The following CCNY variants were observed in gnomAD, a reference collection of about 807,000 sequenced individuals.
The protein encoded by CCNY is cyclin-Y.
CCNY carries 19 observed loss-of-function variants against 42.8 expected under a neutral mutation model. The observed-to-expected ratio is 0.44, with a 90% CI of 0.31 to 0.65. The LOEUF (loss-of-function observed/expected upper bound fraction) is 0.65, where lower values mean the gene tolerates loss of function less well. Ranked by LOEUF, CCNY falls within the 30% of genes least tolerant of loss-of-function variation. The probability of loss-of-function intolerance (pLI) is 0.07; values close to 1 mark genes in which losing one functional copy is unlikely to be tolerated. For synonymous variants in CCNY, 165 were observed against 162.7 expected (o/e 1.01, Z -0.11); for missense variants, 370 against 437.3 (o/e 0.85, Z 1.37).
chr10:35,275,860 G>A (rs2135048327), intron 3 of CCNY, among the ~76,000 whole-genome samples: 1 of 152,300 alleles, frequency 6.6e-6, no homozygotes, highest in African/African-American at 2.4e-5. Context: ...CGGGACCCAT[G>A]GACCACACGG....
intron 3 of CCNY, among the ~76,000 whole-genome samples, chr10:35,514,834 T>C (rs894213653): frequency 1.3e-5 from 2 of 152,238 alleles, no homozygotes; most frequent in Non-Finnish European, 1.5e-5. Context: ...TGACTTTTAA[T>C]GTTAAATATG....
chr10:35,361,230 A>G (rs1836678699), intron 1 of CCNY, among the ~76,000 whole-genome samples: 2 of 152,210 alleles, frequency 1.3e-5, no homozygotes, highest in African/African-American at 2.4e-5. Flanking sequence ...GTGTTTACAT[A>G]TATACCTGTG....
At chr10:35,267,549 C>A (rs1380113080) in intron 3 of CCNY, among the ~76,000 whole-genome samples, 3 of 152,092 alleles carry the variant, frequency 2.0e-5, no homozygotes, top group Non-Finnish European at 4.4e-5. Flanking sequence ...TGGTGGTGGG[C>A]ATGGGGGTAG....
At chr10:35,414,662 T>TA (rs1295891837) in intron 1 of CCNY, among the ~76,000 whole-genome samples, 1 of 152,196 alleles carries the variant, frequency 6.6e-6, no homozygotes, top group Non-Finnish European at 1.5e-5. Context: ...GACTCCGTGA[T>TA]ACATCTTGTA....
At chr10:35,429,720 C>A (rs1384544033) in intron 1 of CCNY, among the ~76,000 whole-genome samples, 1 of 152,104 alleles carries the variant, frequency 6.6e-6, no homozygotes, top group Non-Finnish European at 1.5e-5. Context: ...GTTATTGGGT[C>A]ATTTCATCTA....
intron 8 of CCNY, among the ~76,000 whole-genome samples, chr10:35,560,889 A>G (rs776895077): frequency 6.6e-6 from 1 of 152,010 alleles, no homozygotes; most frequent in Non-Finnish European, 1.5e-5. Context: ...GAAAATCATG[A>G]CTCCTCGGTA....
At chr10:35,275,056 CTTTTTTTTTTTT>C (rs34467762) in intron 3 of CCNY, among the ~76,000 whole-genome samples, 5 of 64,886 alleles carry the variant, frequency 7.7e-5, no homozygotes, top group Admixed American at 2.3e-4. Context: ...ACCGTCATTC[CTTTTTTTTTTTT>C]TTTTTTTTTT....
intron 4 of CCNY, among the ~76,000 whole-genome samples, chr10:35,524,162 T>C (rs1370877234): frequency 6.6e-6 from 1 of 152,202 alleles, no homozygotes; most frequent in African/African-American, 2.4e-5. Flanking sequence ...CCTGAGTTTT[T>C]CCCATTTATA....
chr10:35,399,362 C>G (rs1370662306), intron 1 of CCNY, among the ~76,000 whole-genome samples: 1 of 145,332 alleles, frequency 6.9e-6, no homozygotes, highest in Non-Finnish European at 1.5e-5. Flanking sequence ...GGACTGGTGT[C>G]TTGGGTGTCT....
At chr10:35,353,454 A>G (rs1441157056) in intron 1 of CCNY, among the ~76,000 whole-genome samples, 3 of 152,246 alleles carry the variant, frequency 2.0e-5, no homozygotes, top group African/African-American at 7.2e-5. Context: ...TTAGAACTGT[A>G]AAAGGAATAA....
Position 35,569,413 on chromosome 10 carries a change from C to T in CCNY, c.*243C>T, listed in dbSNP as rs1000950878. 8 of 523,606 alleles carry T rather than the reference C, an allele frequency of 1.5e-5. No homozygotes were observed. The highest frequency in any genetic ancestry group is 5.7e-5 in the African/African-American group (3 of 52,472). The allele number at this position is 523,606 out of a possible 1,614,324, so 32.4% of individuals were successfully genotyped here. A position where few individuals can be genotyped will look rare whatever the true frequency, so the allele number is the denominator to read the frequency against. On this transcript the variant is annotated 3_prime_UTR_variant, in exon 10 of 10. Coordinates refer to ENST00000374704, the MANE Select transcript of CCNY (RefSeq NM_145012.6). Reference sequence around the variant, plus strand: ...ACTTCCTTCGTGGAGGAAGTGGACTCGAATCCTGGAGGAGGAAATAAAGGG... The same window carrying T: ...ACTTCCTTCGTGGAGGAAGTGGACTTGAATCCTGGAGGAGGAAATAAAGGG...
intron 1 of CCNY, among the ~76,000 whole-genome samples, chr10:35,420,002 G>C (rs912647244): frequency 2.1e-5 from 3 of 143,470 alleles, no homozygotes; most frequent in African/African-American, 7.8e-5. Context: ...TTCTTATCTA[G>C]TTTTTTCTCT....
At chr10:35,552,941 A>AT (rs1227587412) in intron 7 of CCNY, 78 bp from the exon 8 acceptor site, 1 of 1,389,662 alleles carries the variant, frequency 7.2e-7, no homozygotes, top group African/African-American at 1.4e-5. Context: ...TGTAATACAT[A>AT]TTTTAGCATT....
intron 3 of CCNY, among the ~76,000 whole-genome samples, chr10:35,254,535 G>A (rs1432152187): frequency 6.6e-6 from 1 of 151,916 alleles, no homozygotes; most frequent in Non-Finnish European, 1.5e-5. Context: ...CATCTAATTT[G>A]ATGATAAAAT....
At chr10:35,411,633 C>T (rs1342195193) in intron 1 of CCNY, among the ~76,000 whole-genome samples, 3 of 151,816 alleles carry the variant, frequency 2.0e-5, no homozygotes, top group Middle Eastern at 3.2e-3. Context: ...TTGGGTTGAC[C>T]TCAGTATTGT....
At position 35,571,319 on chromosome 10, in the gene CCNY, A is replaced by T. The variant is rs1314998038; in HGVS notation, c.*2149A>T. On this transcript the variant is annotated 3_prime_UTR_variant, in exon 10 of 10. Transcript: ENST00000374704. ...TTTGTGGAGTTTATTAAACTACTTT[A>T]AAAAAATTGTATAGTCTATTTATTG... is the stretch of plus-strand genomic sequence containing the variant. The T allele has an allele frequency of 7.2e-6, 1 of 139,460 alleles. No individual in the cohort carries two copies. Among genetic ancestry groups the T allele is most frequent in the Admixed American group, 7.6e-5 (1 of 13,188 alleles). The allele number at this position is 139,460 out of a possible 1,614,324, so 8.6% of individuals were successfully genotyped here. A position where few individuals can be genotyped will look rare whatever the true frequency, so the allele number is the denominator to read the frequency against.
intron 7 of CCNY, among the ~76,000 whole-genome samples, chr10:35,550,893 C>T (rs1841241955): frequency 6.6e-6 from 1 of 152,126 alleles, no homozygotes. Context: ...GTCCCTTGCC[C>T]CTGGCTTTGC....
intron 1 of CCNY, among the ~76,000 whole-genome samples, chr10:35,406,245 T>A (rs200834966): frequency 3.7e-4 from 44 of 118,130 alleles, no homozygotes; most frequent in Admixed American, 1.5e-3. Context: ...TTATTTATTT[T>A]TTTATTGATC....
chr10:35,533,095 G>T (rs1013247010), intron 7 of CCNY, among the ~76,000 whole-genome samples: 2 of 152,092 alleles, frequency 1.3e-5, no homozygotes, highest in Non-Finnish European at 2.9e-5. Context: ...TTCTTGCTTC[G>T]GATGGGATGT....
Sources: gnomAD v4.1 joint callset for allele counts (sites outside exome capture counted in the v4.1 genomes callset) on GRCh38, gnomAD v4.1.1 for gene constraint, MANE v1.5 for transcripts, NCBI Gene and HGNC (gene_info 2026-07-23, HGNC 2026-07-21) for gene names.